TCF12: variants seen among roughly 807,000 people sequenced by gnomAD.
TCF12 encodes DNA-binding protein HTF4.
In TCF12, 45 loss-of-function variants were observed where a neutral mutation model predicts 86.0. The ratio of observed to expected loss-of-function variants is 0.52; its 90% CI spans 0.41 to 0.67. The LOEUF (loss-of-function observed/expected upper bound fraction) is 0.67, where lower values mean the gene tolerates loss of function less well. Ranked by LOEUF, TCF12 falls within the 30% of genes least tolerant of loss-of-function variation. The pLI, the probability that TCF12 is intolerant of heterozygous loss-of-function variation, is 0.00. For missense variants in TCF12, 881 were observed against 859.9 expected, an observed-to-expected ratio of 1.02 and a Z score of -0.31; for synonymous variants, 330 against 299.6, an observed-to-expected ratio of 1.10 and a Z score of -1.05.
intron 3 of TCF12, among the ~76,000 whole-genome samples, chr15:57,055,829 T>C (rs530238432): frequency 6.6e-6 from 1 of 152,314 alleles, no homozygotes; most frequent in East Asian, 1.9e-4. Flanking sequence ...ATCAGTAAGT[T>C]TGTGTCTGTC....
At chr15:57,173,492 C>G (rs2151597379) in intron 6 of TCF12, among the ~76,000 whole-genome samples, 1 of 152,086 alleles carries the variant, frequency 6.6e-6, no homozygotes, top group African/African-American at 2.4e-5. Flanking sequence ...CTAGCTAGAC[C>G]AGTTAACACA....
chr15:57,079,629 T>A (rs2070452869), intron 4 of TCF12, among the ~76,000 whole-genome samples: 1 of 152,220 alleles, frequency 6.6e-6, no homozygotes, highest in African/African-American at 2.4e-5. Context: ...TTCTAGTAGA[T>A]GTTTCTCAAA....
chr15:57,189,105 A>G (rs532345224), intron 6 of TCF12, among the ~76,000 whole-genome samples: 3 of 152,272 alleles, frequency 2.0e-5, no homozygotes, highest in Admixed American at 1.3e-4. Flanking sequence ...AATGAACTCA[A>G]AATGGATCAA....
chr15:56,979,022 T>C (rs192683074), intron 3 of TCF12, among the ~76,000 whole-genome samples: 3 of 152,354 alleles, frequency 2.0e-5, no homozygotes, highest in Admixed American at 2.0e-4. Flanking sequence ...GAACATAGCT[T>C]ATCACTTGAG....
intron 5 of TCF12, among the ~76,000 whole-genome samples, chr15:57,145,606 C>G (rs1015143943): frequency 2.6e-5 from 4 of 151,408 alleles, no homozygotes; most frequent in Non-Finnish European, 1.5e-5. Flanking sequence ...AGAATCTTAG[C>G]TGTTCATTTA....
In TCF12 at chr15:57,287,650, A is replaced by G. The variant is rs921078065; in HGVS notation, c.*1505A>G. 2 of 152,676 alleles carry G rather than the reference A, an allele frequency of 1.3e-5. No individual in the cohort carries two copies. Among genetic ancestry groups the G allele is most frequent in the Non-Finnish European group, 2.9e-5 (2 of 68,056 alleles). 9.5% of individuals were successfully genotyped at this position (152,676 alleles called of 1,614,324 possible). ...TAATAATTCCTTATAGCCAATATCA[A>G]CAGTGGCAATCAGCACACAGAGGAA... On this transcript the variant is annotated 3_prime_UTR_variant, in exon 21 of 21. Coordinates refer to ENST00000333725, the MANE Select transcript of TCF12 (RefSeq NM_207037.2).
At position 57,223,661 on chromosome 15, in the gene TCF12, T is replaced by TTTTTTTTTTTTTTA. The variant is rs1265091469; in HGVS notation, c.580-7481_580-7480insTTTATTTTTTTTTT. Among the ~76,000 whole-genome samples the TTTTTTTTTTTTTTA allele has an allele frequency of 4.8e-4, 69 of 142,504 alleles. 7 individuals carry two copies. The highest frequency in any genetic ancestry group is 9.6e-4 in the Non-Finnish European group (62 of 64,308). 93.5% of individuals were successfully genotyped at this position (142,504 alleles called of 152,430 possible). On this transcript the variant is annotated intron_variant, in intron 8 of 20. Transcript: ENST00000333725. ...CAATGAGGTTTTTTTTTTTTTTTTT[T>TTTTTTTTTTTTTTA]TTTTTTTTTTAGAAATAGAGTAGCA...
intron 3 of TCF12, chr15:57,001,274 T>G (rs2064019966): frequency 5.9e-6 from 1 of 169,992 alleles, no homozygotes; most frequent in South Asian, 2.0e-4. Context: ...CTCAGCCTCC[T>G]ACAGTGCTGG....
At chr15:57,090,075 GTGTGGTGGTGCAC>G (rs1344874601) in intron 4 of TCF12, among the ~76,000 whole-genome samples, 2 of 152,036 alleles carry the variant, frequency 1.3e-5, no homozygotes, top group Non-Finnish European at 2.9e-5. Context: ...AATTGATTGG[GTGTGGTGGTGCAC>G]TACTGTAGTT....
intron 3 of TCF12, among the ~76,000 whole-genome samples, chr15:57,059,081 G>A (rs1348734226): frequency 1.3e-5 from 2 of 152,190 alleles, no homozygotes; most frequent in Non-Finnish European, 2.9e-5. Flanking sequence ...TCCCCCTACA[G>A]CAGATGGCAA....
intron 5 of TCF12, among the ~76,000 whole-genome samples, chr15:57,136,963 T>G (rs866288999): frequency 4.7e-4 from 8 of 17,096 alleles, no homozygotes; most frequent in East Asian, 1.2e-3. Context: ...TGGCAGTTTT[T>G]TTTTTTGTTT....
In TCF12 at chr15:56,940,499, C is replaced by CCTT. The variant is rs796165838; in HGVS notation, c.148+19410_148+19412dup. Among the ~76,000 whole-genome samples, 256 of 149,062 alleles carry CCTT rather than the reference C, an allele frequency of 1.7e-3. 13 individuals carry two copies. The highest frequency in any genetic ancestry group is 5.9e-3 in the African/African-American group (235 of 39,958). On this transcript the variant is annotated intron_variant, in intron 3 of 20. Coordinates refer to ENST00000333725, the MANE Select transcript of TCF12 (RefSeq NM_207037.2). ...TTCTTCTCCTCCTCCTCCTCCTCCT[C>CCTT]CTTCTTCTTCTCCTCCTCCTCCTTC...
At chr15:57,254,399 C>T (rs1407568295) in intron 16 of TCF12, among the ~76,000 whole-genome samples, 1 of 152,114 alleles carries the variant, frequency 6.6e-6, no homozygotes, top group African/African-American at 2.4e-5. Context: ...TCACACAAGG[C>T]TGCTTGTTTT....
chr15:57,113,866 G>A (rs942293491), intron 5 of TCF12, among the ~76,000 whole-genome samples: 2 of 152,042 alleles, frequency 1.3e-5, no homozygotes, highest in Non-Finnish European at 2.9e-5. Context: ...TGAGACAGGA[G>A]GATAGCTTGA....
intron 4 of TCF12, among the ~76,000 whole-genome samples, chr15:57,087,096 CCTCT>C (rs1217196617): frequency 6.7e-6 from 1 of 149,520 alleles, no homozygotes. Context: ...CCTCTGTCTC[CCTCT>C]CTCTCCCTCT....
intron 5 of TCF12, chr15:57,118,390 G>A (rs1373664925): frequency 1.3e-5 from 2 of 152,220 alleles, no homozygotes; most frequent in African/African-American, 4.8e-5. Context: ...AAACTATACA[G>A]ATGAAGGTCC....
chr15:57,246,913 C>A (rs1363638443), intron 13 of TCF12: 2 of 501,102 alleles, frequency 4.0e-6, no homozygotes, highest in Non-Finnish European at 7.9e-6. Flanking sequence ...CCTGACAACT[C>A]CTCGTTCTCT....
At chr15:56,998,311 G>A (rs538453770) in intron 3 of TCF12, among the ~76,000 whole-genome samples, 2 of 152,144 alleles carry the variant, frequency 1.3e-5, no homozygotes, top group African/African-American at 4.8e-5. Flanking sequence ...ACAAAAATTA[G>A]TTGGGTGTGG....
At chr15:57,001,128 T>TA (rs2064010395) in intron 3 of TCF12, among the ~76,000 whole-genome samples, 1 of 151,060 alleles carries the variant, frequency 6.6e-6, no homozygotes, top group Non-Finnish European at 1.5e-5. Flanking sequence ...GTGATTCTCC[T>TA]ATCTCAGCCT....
Sources: gnomAD v4.1 joint callset for allele counts (sites outside exome capture counted in the v4.1 genomes callset) on GRCh38, gnomAD v4.1.1 for gene constraint, MANE v1.5 for transcripts, NCBI Gene and HGNC (gene_info 2026-07-23, HGNC 2026-07-21) for gene names.